Variants in RABGAP1L observed in about 807,000 individuals in gnomAD.
RABGAP1L encodes rab GTPase-activating protein 1-like.
In RABGAP1L, 63 loss-of-function variants were observed where a neutral mutation model predicts 137.7. The observed-to-expected ratio is 0.46, with a 90% CI of 0.37 to 0.56. The LOEUF is 0.56. RABGAP1L is among the 20% of genes least tolerant of loss of function. The pLI, the probability that RABGAP1L is intolerant of heterozygous loss-of-function variation, is 0.00. For missense variants in RABGAP1L, 1,095 were observed against 1,244.0 expected (o/e 0.88, Z 1.80); for synonymous variants, 431 against 433.7 (o/e 0.99, Z 0.08).
At chr1:174,421,920 C>T (rs1376196734) in intron 13 of RABGAP1L, among the ~76,000 whole-genome samples, 14 of 152,160 alleles carry the variant, frequency 9.2e-5, no homozygotes, top group African/African-American at 3.4e-4. Flanking sequence ...AGGCATGTGC[C>T]ACCATGCCTG....
chr1:174,452,469 C>G (rs1223987469), intron 13 of RABGAP1L, among the ~76,000 whole-genome samples: 1 of 152,150 alleles, frequency 6.6e-6, no homozygotes, highest in Non-Finnish European at 1.5e-5. Context: ...AATTTGAGGA[C>G]TAAATGAAAT....
intron 3 of RABGAP1L, among the ~76,000 whole-genome samples, chr1:174,229,400 G>T (rs1274134617): frequency 6.6e-6 from 1 of 152,090 alleles, no homozygotes; most frequent in Non-Finnish European, 1.5e-5. Flanking sequence ...TATATCACTT[G>T]TTAACCAAAA....
At chr1:174,722,606 C>T (rs563612169) in intron 17 of RABGAP1L, among the ~76,000 whole-genome samples, 14 of 151,926 alleles carry the variant, frequency 9.2e-5, no homozygotes, top group African/African-American at 3.4e-4. Flanking sequence ...CCCACCACCA[C>T]GTCTGGCTAA....
chr1:174,404,900 A>G (rs1326639578), intron 13 of RABGAP1L, among the ~76,000 whole-genome samples: 3 of 152,210 alleles, frequency 2.0e-5, no homozygotes, highest in African/African-American at 7.2e-5. Context: ...GCCCATTTTA[A>G]GATTCTGAAA....
At chr1:174,880,227 A>G (rs766137280) in intron 19 of RABGAP1L, among the ~76,000 whole-genome samples, 3 of 152,164 alleles carry the variant, frequency 2.0e-5, no homozygotes, top group Non-Finnish European at 4.4e-5. Flanking sequence ...AGTTAACTAC[A>G]ATATACACTA....
intron 4 of RABGAP1L, among the ~76,000 whole-genome samples, chr1:174,232,534 A>G (rs1445843527): frequency 6.6e-6 from 1 of 151,666 alleles, no homozygotes; most frequent in Admixed American, 6.6e-5. Context: ...CTGTAATCCC[A>G]GCACTTTGGA....
At chr1:174,323,046 A>C (rs904543971) in intron 11 of RABGAP1L, among the ~76,000 whole-genome samples, 4 of 152,086 alleles carry the variant, frequency 2.6e-5, no homozygotes, top group African/African-American at 9.7e-5. Flanking sequence ...GACAGGTGCT[A>C]CTCCATAAGA....
At chr1:174,963,836 G>T (rs1486726756) in intron 20 of RABGAP1L, among the ~76,000 whole-genome samples, 1 of 152,080 alleles carries the variant, frequency 6.6e-6, no homozygotes, top group African/African-American at 2.4e-5. Context: ...GCCTAATATA[G>T]TTACTTTCTG....
chr1:174,192,096 G>A (rs1278850547), intron 1 of RABGAP1L, among the ~76,000 whole-genome samples: 3 of 152,128 alleles, frequency 2.0e-5, no homozygotes, highest in Non-Finnish European at 4.4e-5. Flanking sequence ...TTCAAAAATA[G>A]ACTTTCTCTG....
intron 13 of RABGAP1L, among the ~76,000 whole-genome samples, chr1:174,586,587 A>G (rs775020683): frequency 2.0e-5 from 3 of 152,020 alleles, no homozygotes; most frequent in Non-Finnish European, 2.9e-5. Context: ...CCGTATGTAT[A>G]TATGTATGTA....
intron 14 of RABGAP1L, among the ~76,000 whole-genome samples, chr1:174,652,370 G>C (rs1329579813): frequency 6.6e-6 from 1 of 152,136 alleles, no homozygotes; most frequent in Non-Finnish European, 1.5e-5. Context: ...TCCTTTGGAG[G>C]AGAAGAGGTG....
At chr1:174,636,100 A>T (rs896283374) in intron 13 of RABGAP1L, among the ~76,000 whole-genome samples, 1 of 152,200 alleles carries the variant, frequency 6.6e-6, no homozygotes, top group African/African-American at 2.4e-5. Flanking sequence ...TTTTCTTGAC[A>T]TTTAAAAAGA....
intron 17 of RABGAP1L, among the ~76,000 whole-genome samples, chr1:174,749,698 A>G (rs1684185354): frequency 6.6e-6 from 1 of 152,192 alleles, no homozygotes; most frequent in Admixed American, 6.5e-5. Context: ...AACCACTCCC[A>G]GAGGCAATAA....
intron 19 of RABGAP1L, among the ~76,000 whole-genome samples, chr1:174,919,555 A>T (rs953179250): frequency 2.0e-5 from 3 of 152,194 alleles, no homozygotes; most frequent in Non-Finnish European, 4.4e-5. Flanking sequence ...TAATAAAAAA[A>T]TTAAGAATTA....
At chr1:174,555,253 C>T (rs1666798180) in intron 13 of RABGAP1L, among the ~76,000 whole-genome samples, 1 of 152,184 alleles carries the variant, frequency 6.6e-6, no homozygotes, top group Non-Finnish European at 1.5e-5. Context: ...CTTTCATACT[C>T]AATTTCAGCT....
Position 174,466,276 on chromosome 1 carries a change from C to T in RABGAP1L, c.1710+72131C>T, listed in dbSNP as rs1246742952. On this transcript the variant is annotated intron_variant, in intron 13 of 25. Coordinates refer to ENST00000681986, the MANE Select transcript of RABGAP1L (RefSeq NM_001366446.1). ...TTAATAGATTTAGAAAGCTTATGTT[C>T]CTTGTTGTCTTTAAAGTTAGCAAAA... Among the ~76,000 whole-genome samples the T allele has an allele frequency of 1.3e-5, 2 of 152,126 alleles. 1 individual carries two copies. Among genetic ancestry groups the T allele is most frequent in the African/African-American group, 4.8e-5 (2 of 41,416 alleles).
intron 19 of RABGAP1L, among the ~76,000 whole-genome samples, chr1:174,924,872 G>C (rs1573852196): frequency 6.6e-6 from 1 of 152,224 alleles, no homozygotes; most frequent in South Asian, 2.1e-4. Flanking sequence ...AAAATCCATA[G>C]TACTGTATAT....
At chr1:174,263,595 A>G (rs73036632) in intron 7 of RABGAP1L, among the ~76,000 whole-genome samples, 2,155 of 152,340 alleles carry the variant, frequency 0.014, 62 homozygotes, top group African/African-American at 0.05. Context: ...TTACTGTCAC[A>G]GTAATGGCAA....
chr1:174,221,115 C>T lies in RABGAP1L; in HGVS notation c.282C>T (p.Ser94=). 6.2e-7 allele frequency: 1 copy of T among 1,613,170 alleles called. No individual in the cohort carries two copies. Among genetic ancestry groups the T allele is most frequent in the Non-Finnish European group, 8.5e-7 (1 of 1,179,502 alleles). Residue 94 remains serine, a synonymous_variant, in exon 3 of 26, where the codon AGC becomes AGT. Coordinates refer to ENST00000681986, the MANE Select transcript of RABGAP1L (RefSeq NM_001366446.1). The stretch of plus-strand genomic sequence containing the variant: ...ATTCGTTTGGAGATATTCCAGCCAG[C>T]CAAACAAATAAGCCATCTCTTCAGT... The part of the protein sequence containing the change: ...SDHSFGDIPA[S]QTNKPSLQLI...
Sources: gnomAD v4.1 joint callset for allele counts (sites outside exome capture counted in the v4.1 genomes callset) on GRCh38, gnomAD v4.1.1 for gene constraint, MANE v1.5 for transcripts, NCBI Gene and HGNC (gene_info 2026-07-23, HGNC 2026-07-21) for gene names.